The following FARP1 variants were observed in gnomAD, a reference collection of about 807,000 sequenced individuals.
FARP1 encodes FERM, ARH/RhoGEF and pleckstrin domain protein 1.
Under a neutral mutation model 128.8 loss-of-function variants are expected in FARP1, and 52 were observed. That is an observed-to-expected ratio of 0.40 (90% confidence interval 0.32 to 0.51). FARP1 has a LOEUF of 0.51. Among genes scored for constraint, FARP1 ranks in the 20% least tolerant of loss-of-function variants. The pLI, the probability that FARP1 is intolerant of heterozygous loss-of-function variation, is 0.45. For missense variants in FARP1, 1,333 were observed against 1,367.9 expected (o/e 0.97, Z 0.40); for synonymous variants, 580 against 551.8 (o/e 1.05, Z -0.72).
At chr13:98,289,999 C>T (rs1399297467) in intron 2 of FARP1, among the ~76,000 whole-genome samples, 1 of 152,048 alleles carries the variant, frequency 6.6e-6, no homozygotes, top group Admixed American at 6.6e-5. Context: ...CACAACACCC[C>T]CATTTTACAC....
chr13:98,367,608 G>T (rs112550009), intron 4 of FARP1, among the ~76,000 whole-genome samples: 4,272 of 151,872 alleles, frequency 0.028, 224 homozygotes, highest in African/African-American at 0.098. Context: ...ATAAGATACT[G>T]ATAAAGGCCT....
intron 2 of FARP1, among the ~76,000 whole-genome samples, chr13:98,321,480 C>T (rs1454106142): frequency 6.6e-6 from 1 of 152,176 alleles, no homozygotes; most frequent in Non-Finnish European, 1.5e-5. Flanking sequence ...TCTGATTATC[C>T]AGGGTTGTGG....
chr13:98,298,893 G>A (rs1428715068), intron 2 of FARP1, among the ~76,000 whole-genome samples: 1 of 152,166 alleles, frequency 6.6e-6, no homozygotes, highest in African/African-American at 2.4e-5. Context: ...AATGTATTTG[G>A]TCATTTACTA....
At chr13:98,240,881 G>T (rs1594311127) in intron 2 of FARP1, among the ~76,000 whole-genome samples, 2 of 152,202 alleles carry the variant, frequency 1.3e-5, no homozygotes, top group Admixed American at 1.3e-4. Flanking sequence ...CGGAAACCTG[G>T]CATTCCTTTA....
chr13:98,162,633 C>G (rs9513366), intron 1 of FARP1, among the ~76,000 whole-genome samples: 36,907 of 151,994 alleles, frequency 0.24, 4,637 homozygotes, highest in Middle Eastern at 0.35. Context: ...TATTTATGAT[C>G]TTAGTCTTCA....
intron 2 of FARP1, among the ~76,000 whole-genome samples, chr13:98,259,981 G>A (rs1883796995): frequency 6.7e-6 from 1 of 149,168 alleles, no homozygotes; most frequent in Non-Finnish European, 1.5e-5. Context: ...ATAAAACAAG[G>A]GAATCGGAAT....
chr13:98,203,848 G>A (rs1479956397), intron 1 of FARP1: 1 of 152,182 alleles, frequency 6.6e-6, no homozygotes, highest in African/African-American at 2.4e-5. Flanking sequence ...CTGCCAAAAT[G>A]CTTTTTAAAG....
rs1455329217 is a variant in FARP1, at chr13:98,454,499, C to T, written c.*6182C>T. On this transcript the variant is annotated 3_prime_UTR_variant, in exon 27 of 27. Transcript: ENST00000319562. Reference sequence around the variant, plus strand: ...GAACAAATGGTTACATAAGGTCCTCCCAAAAGCACACATTAGCCACGGAGC... The same window carrying T: ...GAACAAATGGTTACATAAGGTCCTCTCAAAAGCACACATTAGCCACGGAGC... The T allele has an allele frequency of 6.6e-6, 1 of 152,126 alleles. No individual in the cohort carries two copies. Among genetic ancestry groups the T allele is most frequent in the African/African-American group, 2.4e-5 (1 of 41,388 alleles). 9.4% of individuals were successfully genotyped at this position (152,126 alleles called of 1,614,324 possible).
chr13:98,248,239 C>G (rs1286021502), intron 2 of FARP1, among the ~76,000 whole-genome samples: 1 of 148,322 alleles, frequency 6.7e-6, no homozygotes, highest in Non-Finnish European at 1.5e-5. Context: ...AACCAGTTCT[C>G]TCTGAAATAT....
rs78651221 is a variant in FARP1, at chr13:98,415,213, C to T, written c.1826+3179C>T. ...TTTGAAAAAGGCAGATTGCCAGGCC[C>T]TATCCAGTTCTCTTGAATCAGAGCT... On this transcript the variant is annotated intron_variant, in intron 16 of 26. Transcript: ENST00000319562. Among the ~76,000 whole-genome samples, 739 of 152,304 alleles carry T rather than the reference C, an allele frequency of 4.9e-3. 5 individuals are homozygous for T. Among genetic ancestry groups the T allele is most frequent in the African/African-American group, 0.016 (680 of 41,560 alleles).
rs56376512 is a variant in FARP1, at chr13:98,349,672, GAAA to G, written c.276+5834_276+5836del. ...GCGACAGAGCAAGACCCATCTCAGG[GAAA>G]AAAAAAAAAAAAAAAAAAAAAAAAA... is the stretch of plus-strand genomic sequence containing the variant. On this transcript the variant is annotated intron_variant, in intron 3 of 26. Coordinates refer to ENST00000319562, the MANE Select transcript of FARP1 (RefSeq NM_005766.4). Among the ~76,000 whole-genome samples the G allele has an allele frequency of 2.4e-3, 146 of 59,868 alleles. 2 individuals are homozygous for G. Among genetic ancestry groups the G allele is most frequent in the African/African-American group, 9.3e-3 (138 of 14,876 alleles). 39.3% of individuals were successfully genotyped at this position (59,868 alleles called of 152,430 possible). A position where few individuals can be genotyped will look rare whatever the true frequency, so the allele number is the denominator to read the frequency against.
intron 5 of FARP1, among the ~76,000 whole-genome samples, chr13:98,372,660 A>G (rs1425753800): frequency 2.6e-5 from 4 of 152,314 alleles, no homozygotes; most frequent in Middle Eastern, 3.4e-3. Context: ...CAGATGAAAT[A>G]AATTATTCAT....
chr13:98,359,087 TAAG>T (rs1888758022), intron 3 of FARP1, among the ~76,000 whole-genome samples: 1 of 152,194 alleles, frequency 6.6e-6, no homozygotes, highest in Admixed American at 6.5e-5. Flanking sequence ...TTTTGGTAGT[TAAG>T]AAGAGAACTG....
At chr13:98,357,814 TGTAA>T (rs960991634) in intron 3 of FARP1, among the ~76,000 whole-genome samples, 1 of 152,214 alleles carries the variant, frequency 6.6e-6, no homozygotes, top group Admixed American at 6.5e-5. Context: ...TCTGTATTAC[TGTAA>T]GTTTTATTGA....
chr13:98,390,247 C>T (rs1239560696), intron 10 of FARP1, 127 bp downstream of exon 10: 11 of 1,009,258 alleles, frequency 1.1e-5, no homozygotes, highest in Admixed American at 4.8e-5. Context: ...TATGGCCAAG[C>T]GGGGGCGCTT....
At chr13:98,231,992 T>G (rs1882141400) in intron 2 of FARP1, among the ~76,000 whole-genome samples, 1 of 151,976 alleles carries the variant, frequency 6.6e-6, no homozygotes, top group Admixed American at 6.6e-5. Context: ...CACGCCCAGC[T>G]AATTTCTTTG....
chr13:98,371,733 G>A (rs1889340784), intron 5 of FARP1, among the ~76,000 whole-genome samples: 1 of 152,178 alleles, frequency 6.6e-6, no homozygotes, highest in African/African-American at 2.4e-5. Flanking sequence ...GATGCTGGGA[G>A]AAGCTCCATG....
At chr13:98,157,510 G>A (rs1363166279) in intron 1 of FARP1, among the ~76,000 whole-genome samples, 4 of 152,104 alleles carry the variant, frequency 2.6e-5, no homozygotes, top group South Asian at 2.1e-4. Flanking sequence ...GGGTGCCAGC[G>A]TGGACCCTCC....
Position 98,213,366 on chromosome 13 carries a change from A to G in FARP1, c.124A>G (p.Ile42Val), listed in dbSNP as rs781579023. The G allele has an allele frequency of 1.2e-6, 2 of 1,614,130 alleles. No homozygotes were observed. The highest frequency in any genetic ancestry group is 3.3e-5 in the Admixed American group (2 of 60,028). Residue 42 changes from isoleucine to valine, a missense_variant, in exon 2 of 27, where the codon ATC becomes GTC. Physicochemically the swap from Ile to Val is conservative, Grantham distance 29. Transcript: ENST00000319562. The part of the protein sequence containing the change: ...PPTPSGKLVS[I>V]KIQMLDDTQE... ...AACACCTTCAGGAAAACTCGTGTCC[A>G]TCAAAATCCAGATGCTGGATGACAC...
Sources: gnomAD v4.1 joint callset for allele counts (sites outside exome capture counted in the v4.1 genomes callset) on GRCh38, gnomAD v4.1.1 for gene constraint, MANE v1.5 for transcripts, NCBI Gene and HGNC (gene_info 2026-07-23, HGNC 2026-07-21) for gene names.